Variants in TSPAN18 observed in about 807,000 individuals in gnomAD.
TSPAN18 encodes tetraspanin-18.
Under a neutral mutation model 27.3 loss-of-function variants are expected in TSPAN18, and 14 were observed. The ratio of observed to expected loss-of-function variants is 0.51; its 90% CI spans 0.34 to 0.80. TSPAN18 has a LOEUF of 0.80. Among genes scored for constraint, TSPAN18 ranks in the 30% least tolerant of loss-of-function variants. The pLI, the probability that TSPAN18 is intolerant of heterozygous loss-of-function variation, is 0.01. For missense variants in TSPAN18, 268 were observed against 323.9 expected (o/e 0.83, Z 1.32); for synonymous variants, 143 against 136.5 (o/e 1.05, Z -0.33).
chr11:44,807,253 G>C (rs1378300982), intron 2 of TSPAN18, among the ~76,000 whole-genome samples: 1 of 137,540 alleles, frequency 7.3e-6, no homozygotes, highest in Non-Finnish European at 1.5e-5. Flanking sequence ...AAGAGGCCAG[G>C]CACCGTGGCT....
chr11:44,785,694 T>C lies in TSPAN18; in HGVS notation c.-153+21182T>C, dbSNP rs187051558. Among the ~76,000 whole-genome samples, 708 of 152,272 alleles carry C rather than the reference T, an allele frequency of 4.6e-3. 6 individuals carry two copies. Among genetic ancestry groups the C allele is most frequent in the African/African-American group, 0.016 (684 of 41,556 alleles). On this transcript the variant is annotated intron_variant, in intron 2 of 9. Coordinates refer to ENST00000520358, the MANE Select transcript of TSPAN18 (RefSeq NM_130783.5). ...CTGGGGCCTCCCCCTGCCCCTTTCC[T>C]TTTCAGTCTATGTATTTTGGGTCTT...
In TSPAN18 at chr11:44,783,978, A is replaced by G. The variant is rs141595239; in HGVS notation, c.-153+19466A>G. On this transcript the variant is annotated intron_variant, in intron 2 of 9. Coordinates refer to ENST00000520358, the MANE Select transcript of TSPAN18 (RefSeq NM_130783.5). ...AAAGGAAAACCTCCTGGGACCCCAGAGGCACAGCCAGGGAGGGGTCAGAGC... is the reference window on the plus strand; with the variant it reads ...AAAGGAAAACCTCCTGGGACCCCAGGGGCACAGCCAGGGAGGGGTCAGAGC... Among the ~76,000 whole-genome samples, 161 of 152,296 alleles carry G rather than the reference A, an allele frequency of 1.1e-3. 2 individuals are homozygous for G. Among genetic ancestry groups the G allele is most frequent in the Middle Eastern group, 0.01 (3 of 294 alleles).
rs78220709 is a variant in TSPAN18, at chr11:44,836,892, C to G, written c.-152-23436C>G. On this transcript the variant is annotated intron_variant, in intron 2 of 9. Coordinates refer to ENST00000520358, the MANE Select transcript of TSPAN18 (RefSeq NM_130783.5). ...GAATATTTTAAGCCCATTATTGAGA[C>G]CCACTGCTCAGAAAAAAAGATTCCT... Among the ~76,000 whole-genome samples, 3 of 152,308 alleles carry G rather than the reference C, an allele frequency of 2.0e-5. No individual in the cohort carries two copies. In the East Asian group the frequency reaches 5.8e-4, roughly 29 times the overall value.
At position 44,909,822 on chromosome 11, in the gene TSPAN18, A is replaced by G. The variant is rs1859640464; in HGVS notation, c.181A>G (p.Met61Val). 6.2e-7 allele frequency: 1 copy of G among 1,613,740 alleles called. No individual in the cohort carries two copies. The highest frequency in any genetic ancestry group is 1.3e-5 in the African/African-American group (1 of 74,972). ...CACGGGCGCCTACATCCTCCTGGCC[A>G]TGGGGGGCCTGCTCTTTCTGCTCGG... ...LLTGAYILLA[M>V]GGLLFLLGFL... The change falls in exon 5 of 10, where the codon ATG becomes GTG. Residue 61 changes from methionine (M) to valine (V), a missense_variant. By Grantham distance (21) the Met-to-Val change is conservative. Transcript: ENST00000520358.
chr11:44,791,859 G>A (rs941804248), intron 2 of TSPAN18, among the ~76,000 whole-genome samples: 20 of 152,194 alleles, frequency 1.3e-4, no homozygotes, highest in African/African-American at 4.1e-4. Flanking sequence ...AGCGAGCTTC[G>A]GTTTGTCACA....
intron 3 of TSPAN18, among the ~76,000 whole-genome samples, chr11:44,873,880 C>T (rs2135243155): frequency 6.6e-6 from 1 of 152,306 alleles, no homozygotes; most frequent in African/African-American, 2.4e-5. Context: ...GACCTACAGA[C>T]ATGAGGATTG....
Position 44,907,982 on chromosome 11 carries a change from G to A in TSPAN18, c.63+1503G>A, listed in dbSNP as rs77837721. On this transcript the variant is annotated intron_variant, in intron 4 of 9. Coordinates refer to ENST00000520358, the MANE Select transcript of TSPAN18 (RefSeq NM_130783.5). ...AGGCAGGAGAATCGTTTGTACCTGC[G>A]AGGCAGAGGTTGTGGTGAGCCGAGA... 4.7e-3 allele frequency among the ~76,000 whole-genome samples: 702 copies of A among 149,880 alleles called. 5 individuals carry two copies. The highest frequency in any genetic ancestry group is 0.015 in the East Asian group (76 of 5,026).
At chr11:44,889,827 A>T (rs946835910) in intron 3 of TSPAN18, among the ~76,000 whole-genome samples, 3 of 152,194 alleles carry the variant, frequency 2.0e-5, no homozygotes, top group African/African-American at 7.2e-5. Context: ...GGGATATGAG[A>T]AAAACAGAGA....
chr11:44,794,309 T>TTG (rs147284858), intron 2 of TSPAN18, among the ~76,000 whole-genome samples: 267 of 151,262 alleles, frequency 1.8e-3, no homozygotes, highest in Admixed American at 4.3e-3. Flanking sequence ...ACATGTGTGG[T>TTG]TGTGTGTGTG....
At chr11:44,749,635 T>C (rs1210852840) in intron 1 of TSPAN18, among the ~76,000 whole-genome samples, 2 of 144,970 alleles carry the variant, frequency 1.4e-5, no homozygotes, top group Non-Finnish European at 3.0e-5. Flanking sequence ...GAACTTTCTT[T>C]TTTTTTTTTT....
rs367842110 is a variant in TSPAN18 at position 44,751,007 on chromosome 11, T to G, written c.-239-13419T>G. ...TTATGGAGGTAATAAACCAATTCTT[T>G]AGTGTGGCCAAAGAGAGAGAGGGAG... On this transcript the variant is annotated intron_variant, in intron 1 of 9. Coordinates refer to ENST00000520358, the MANE Select transcript of TSPAN18 (RefSeq NM_130783.5). Among the ~76,000 whole-genome samples the G allele has an allele frequency of 3.9e-5, 6 of 152,230 alleles. No homozygotes were observed. The South Asian group carries it at 1.2e-3, about 32-fold the overall frequency.
chr11:44,812,273 T>C (rs1856734754), intron 2 of TSPAN18, among the ~76,000 whole-genome samples: 1 of 152,186 alleles, frequency 6.6e-6, no homozygotes, highest in South Asian at 2.1e-4. Flanking sequence ...CTCAGTTCCC[T>C]GATAGGGTTA....
At chr11:44,893,437 G>A (rs1005915444) in intron 3 of TSPAN18, among the ~76,000 whole-genome samples, 7 of 152,206 alleles carry the variant, frequency 4.6e-5, no homozygotes, top group Admixed American at 1.3e-4. Flanking sequence ...CACCAGGCAC[G>A]CCAGGATCTC....
At chr11:44,770,000 G>A (rs1855655162) in intron 2 of TSPAN18, among the ~76,000 whole-genome samples, 1 of 152,226 alleles carries the variant, frequency 6.6e-6, no homozygotes, top group Admixed American at 6.5e-5. Flanking sequence ...CGGAATGGGT[G>A]TGGCGATAAC....
chr11:44,917,340 G>A (rs1369909961), intron 5 of TSPAN18, among the ~76,000 whole-genome samples: 1 of 152,232 alleles, frequency 6.6e-6, no homozygotes, highest in South Asian at 2.1e-4. Flanking sequence ...AGGCACTGTG[G>A]TTCATTCAGG....
Position 44,749,699 on chromosome 11 carries a change from C to T in TSPAN18, c.-239-14727C>T, listed in dbSNP as rs540785381. Among the ~76,000 whole-genome samples, 38 of 143,560 alleles carry T rather than the reference C, an allele frequency of 2.6e-4. 1 individual carries two copies. The highest frequency in any genetic ancestry group is 3.7e-3 in the Middle Eastern group (1 of 268). The allele number at this position is 143,560 out of a possible 152,430, so 94.2% of individuals were successfully genotyped here. ...TTGCCCAGGCTGGAGTGCAGTGGCGCGATCTCGGCTCACTGCAAACTCTGC... is the reference window on the plus strand; with the variant it reads ...TTGCCCAGGCTGGAGTGCAGTGGCGTGATCTCGGCTCACTGCAAACTCTGC... On this transcript the variant is annotated intron_variant, in intron 1 of 9. Transcript: ENST00000520358.
chr11:44,766,963 G>A (rs146622963), intron 2 of TSPAN18, among the ~76,000 whole-genome samples: 1 of 152,304 alleles, frequency 6.6e-6, no homozygotes, highest in African/African-American at 2.4e-5. Context: ...TGACTACCAT[G>A]GGAAGCCCCT....
chr11:44,915,702 C>A (rs1859880596), intron 5 of TSPAN18, among the ~76,000 whole-genome samples: 1 of 152,220 alleles, frequency 6.6e-6, no homozygotes, highest in Non-Finnish European at 1.5e-5. Flanking sequence ...GCAGACACAG[C>A]CTGGCGCTCT....
At chr11:44,828,000 A>G (rs932108846) in intron 2 of TSPAN18, among the ~76,000 whole-genome samples, 7 of 152,006 alleles carry the variant, frequency 4.6e-5, no homozygotes, top group African/African-American at 9.7e-5. Context: ...CTTGGCTTCA[A>G]CCTTACTCAT....
Sources: gnomAD v4.1 joint callset for allele counts (sites outside exome capture counted in the v4.1 genomes callset) on GRCh38, gnomAD v4.1.1 for gene constraint, MANE v1.5 for transcripts, NCBI Gene and HGNC (gene_info 2026-07-23, HGNC 2026-07-21) for gene names.